Variants in PPM1H observed in about 807,000 individuals in gnomAD.
PPM1H encodes the protein protein phosphatase 1H.
A neutral mutation model predicts 54.9 loss-of-function variants in PPM1H; 27 were observed. The ratio of observed to expected loss-of-function variants is 0.49; its 90% CI spans 0.36 to 0.68. PPM1H has a LOEUF of 0.68. Ranked by LOEUF, PPM1H falls within the 30% of genes least tolerant of loss-of-function variation. The pLI, the probability that PPM1H is intolerant of heterozygous loss-of-function variation, is 0.00. For synonymous variants in PPM1H, 305 were observed against 270.8 expected, an observed-to-expected ratio of 1.13 and a Z score of -1.24; for missense variants, 596 against 667.8, an observed-to-expected ratio of 0.89 and a Z score of 1.19.
intron 1 of PPM1H, among the ~76,000 whole-genome samples, chr12:62,865,032 G>T (rs563781192): frequency 2.6e-4 from 39 of 152,300 alleles, no homozygotes; most frequent in African/African-American, 9.4e-4. Flanking sequence ...AGGGCCAAAT[G>T]AATTCTCTCT....
Position 62,879,668 on chromosome 12 carries a change from G to A in PPM1H, c.246-47389C>T, listed in dbSNP as rs1026441428. On this transcript the variant is annotated intron_variant, in intron 1 of 9. Coordinates refer to ENST00000228705, the MANE Select transcript of PPM1H (RefSeq NM_020700.2). ...AGGAGAAATACCTAGTGTAAATGAC[G>A]AGTTGATGGGTGCAGCAAACCGACA... 5.7e-4 allele frequency among the ~76,000 whole-genome samples: 86 copies of A among 152,046 alleles called. 1 individual carries two copies. Among genetic ancestry groups the A allele is most frequent in the African/African-American group, 1.3e-3 (52 of 41,370 alleles).
chr12:62,802,134 A>G lies in PPM1H; in HGVS notation c.438T>C (p.Tyr146=), dbSNP rs1383228519. ...CCGCGTGCCCGTCAAACAGCGACCA[A>G]TAGTGGCAGGAAACACCCTCGGATT... ...NSESEGVSCH[Y]WSLFDGHAGS... The change falls in exon 3 of 10, where the codon TAT becomes TAC. Residue 146 remains tyrosine, a synonymous_variant. Coordinates refer to ENST00000228705, the MANE Select transcript of PPM1H (RefSeq NM_020700.2). 7 of 1,579,638 alleles carry G rather than the reference A, an allele frequency of 4.4e-6. No homozygotes were observed. Among genetic ancestry groups the G allele is most frequent in the African/African-American group, 2.7e-5 (2 of 74,072 alleles).
intron 4 of PPM1H, among the ~76,000 whole-genome samples, chr12:62,768,733 A>G (rs2076560524): frequency 6.6e-6 from 1 of 152,096 alleles, no homozygotes; most frequent in African/African-American, 2.4e-5. Flanking sequence ...GCAGGCAGGT[A>G]AGAAGCCAAG....
chr12:62,885,764 C>G (rs1217840519), intron 1 of PPM1H, among the ~76,000 whole-genome samples: 1 of 152,144 alleles, frequency 6.6e-6, no homozygotes, highest in Admixed American at 6.5e-5. Flanking sequence ...GTATCTCAAA[C>G]TGAAAAATTT....
In PPM1H at chr12:62,810,488, C is replaced by T. The variant is rs1410676645; in HGVS notation, c.412-8328G>A. 2.6e-5 allele frequency among the ~76,000 whole-genome samples: 4 copies of T among 152,212 alleles called. No homozygotes were observed. The South Asian group carries it at 8.3e-4, about 31-fold the overall frequency. On this transcript the variant is annotated intron_variant, in intron 2 of 9. Transcript: ENST00000228705. ...CTCCCTCTCTCTCTCAATCCAATCTCTTCTGAGCTAGGGCATATCCACCCC... is the reference window on the plus strand; with the variant it reads ...CTCCCTCTCTCTCTCAATCCAATCTTTTCTGAGCTAGGGCATATCCACCCC...
At chr12:62,879,888 A>G (rs886580160) in intron 1 of PPM1H, among the ~76,000 whole-genome samples, 3 of 152,196 alleles carry the variant, frequency 2.0e-5, no homozygotes, top group Non-Finnish European at 2.9e-5. Context: ...CAGCTTTAGC[A>G]TTTCTGAAAT....
intron 1 of PPM1H, among the ~76,000 whole-genome samples, chr12:62,865,386 C>T (rs549671888): frequency 6.6e-6 from 1 of 152,182 alleles, no homozygotes; most frequent in African/African-American, 2.4e-5. Flanking sequence ...TAATATCCTC[C>T]CCTCCTCTGT....
Position 62,934,873 on chromosome 12 carries a change from C to A in PPM1H, c.-137G>T, listed in dbSNP as rs995826920. The A allele has an allele frequency of 5.5e-4, 481 of 873,024 alleles. 3 individuals are homozygous for A. In the African/African-American group the frequency reaches 7.7e-3, roughly 14 times the overall value. 54.1% of individuals were successfully genotyped at this position (873,024 alleles called of 1,614,324 possible). A position where few individuals can be genotyped will look rare whatever the true frequency, so the allele number is the denominator to read the frequency against. On this transcript the variant is annotated 5_prime_UTR_variant, in exon 1 of 10. Coordinates refer to ENST00000228705, the MANE Select transcript of PPM1H (RefSeq NM_020700.2). The surrounding 1 kb of genome is among the most constrained non-coding windows in gnomAD (Gnocchi z 4.2). ...CCACTGGGACGCGCCGCGCGCGGCT[C>A]CCAGAGCCTAGTGCTGCAGGGGGCC... is the stretch of plus-strand genomic sequence containing the variant.
chr12:62,773,851 CA>C (rs1255066014), intron 4 of PPM1H, among the ~76,000 whole-genome samples: 1 of 152,164 alleles, frequency 6.6e-6, no homozygotes, highest in Non-Finnish European at 1.5e-5. Flanking sequence ...GCACAGCTCT[CA>C]GGGGGAACCA....
intron 5 of PPM1H, among the ~76,000 whole-genome samples, chr12:62,731,331 C>G (rs1325378081): frequency 6.6e-6 from 1 of 152,090 alleles, no homozygotes; most frequent in Admixed American, 6.5e-5. Context: ...CTGTCTCTTT[C>G]TGAATAAAGC....
Position 62,832,154 on chromosome 12 carries a change from G to A in PPM1H, c.371C>T (p.Ser124Phe), listed in dbSNP as rs752642318. 5 of 1,613,884 alleles carry A rather than the reference G, an allele frequency of 3.1e-6. No individual in the cohort carries two copies. Among genetic ancestry groups the A allele is most frequent in the Non-Finnish European group, 4.2e-6 (5 of 1,179,856 alleles). Residue 124 changes from serine to phenylalanine, a missense_variant, in exon 2 of 10, where the codon TCC becomes TTC. Around this residue, in one of 3 missense-constraint regions of PPM1H, gnomAD observed 382 missense variants for 387.1 expected, o/e 0.99. Coordinates refer to ENST00000228705, the MANE Select transcript of PPM1H (RefSeq NM_020700.2). The stretch of plus-strand genomic sequence containing the variant: ...CTGCAGCCCTTCCCCATTGGGAAGG[G>A]AGGACCGTCTCTTGGATGAGTTCCT... ...PNRNSSKRRS[S>F]LPNGEGLQLK...
chr12:62,790,519 C>T, intron 3 of PPM1H, among the ~76,000 whole-genome samples: 1 of 152,150 alleles, frequency 6.6e-6, no homozygotes, highest in East Asian at 1.9e-4. Flanking sequence ...CTGCAGTAAG[C>T]CATGATCATG....
intron 1 of PPM1H, among the ~76,000 whole-genome samples, chr12:62,929,590 T>G (rs1872070884): frequency 6.6e-6 from 1 of 152,178 alleles, no homozygotes; most frequent in African/African-American, 2.4e-5. Context: ...CTACCTAAAC[T>G]GGGACTGAAA....
At chr12:62,817,165 A>G (rs1310758934) in intron 2 of PPM1H, among the ~76,000 whole-genome samples, 2 of 134,496 alleles carry the variant, frequency 1.5e-5, no homozygotes, top group African/African-American at 6.3e-5. Flanking sequence ...AAAAAAGAAA[A>G]AAAAAAAAAA....
At chr12:62,691,696 G>A (rs995607301) in intron 7 of PPM1H, among the ~76,000 whole-genome samples, 30 of 151,650 alleles carry the variant, frequency 2.0e-4, no homozygotes, top group African/African-American at 6.1e-4. Flanking sequence ...GGTGGCATGC[G>A]CCTGTAGTCC....
chr12:62,842,052 G>C (rs1868770790), intron 1 of PPM1H, among the ~76,000 whole-genome samples: 1 of 152,188 alleles, frequency 6.6e-6, no homozygotes, highest in Non-Finnish European at 1.5e-5. Context: ...TCTGTCAGAT[G>C]CTGGAACAAT....
intron 1 of PPM1H, among the ~76,000 whole-genome samples, chr12:62,911,048 A>G (rs527740724): frequency 1.3e-5 from 2 of 152,332 alleles, no homozygotes; most frequent in South Asian, 4.1e-4. Context: ...TGGCCATGAA[A>G]TCTCACCACC....
At chr12:62,911,732 A>G (rs960154796) in intron 1 of PPM1H, among the ~76,000 whole-genome samples, 2 of 152,230 alleles carry the variant, frequency 1.3e-5, no homozygotes, top group African/African-American at 4.8e-5. Context: ...CTGCATGCCC[A>G]TCATCTACTC....
At chr12:62,815,858 T>G (rs1413009394) in intron 2 of PPM1H, among the ~76,000 whole-genome samples, 1 of 152,176 alleles carries the variant, frequency 6.6e-6, no homozygotes, top group African/African-American at 2.4e-5. Context: ...CTTTTTTTTC[T>G]TCCCATGGTT....
Sources: allele counts gnomAD v4.1 joint callset (sites outside exome capture counted in the v4.1 genomes callset), GRCh38; gene constraint gnomAD v4.1.1; regional missense constraint gnomAD v4.1.1; non-coding constraint Gnocchi (gnomAD v3.1); transcripts MANE v1.5; gene names NCBI Gene and HGNC (gene_info 2026-07-23, HGNC 2026-07-21).